KIF5A: variants seen among roughly 807,000 people sequenced by gnomAD.
KIF5A encodes kinesin heavy chain isoform 5A.
KIF5A carries 35 observed loss-of-function variants against 141.3 expected under a neutral mutation model. That is an observed-to-expected ratio of 0.25 (90% CI 0.19 to 0.33). The LOEUF (loss-of-function observed/expected upper bound fraction) is 0.33. Ranked by LOEUF, KIF5A falls within the 10% of genes least tolerant of loss-of-function variation. The pLI is 1.00. For missense variants in KIF5A, 861 were observed against 1,314.3 expected (o/e 0.66, Z 5.33); for synonymous variants, 448 against 500.2 (o/e 0.90, Z 1.39).
intron 1 of KIF5A, among the ~76,000 whole-genome samples, chr12:57,552,044 A>G (rs1342947652): frequency 6.6e-6 from 1 of 152,176 alleles, no homozygotes; most frequent in Non-Finnish European, 1.5e-5. Context: ...CAACTCCTGG[A>G]TCAACTCTGG....
Position 57,553,331 on chromosome 12 carries a change from G to A in KIF5A, c.129+2931G>A, listed in dbSNP as rs367791570. Among the ~76,000 whole-genome samples, 47 of 152,294 alleles carry A rather than the reference G, an allele frequency of 3.1e-4. No individual in the cohort carries two copies. The East Asian group carries it at 7.1e-3, about 23-fold the overall frequency. On this transcript the variant is annotated intron_variant, in intron 1 of 28. Transcript: ENST00000455537. Reference sequence around the variant, plus strand: ...CTCCCTCAGGTCTCCCAATGGTTAAGTGGGTTCTTAATGCAAGAAACTAGG... The same window carrying A: ...CTCCCTCAGGTCTCCCAATGGTTAAATGGGTTCTTAATGCAAGAAACTAGG...
intron 16 of KIF5A, 121 bp downstream of exon 16, chr12:57,575,393 G>T: frequency 8.2e-7 from 1 of 1,218,006 alleles, no homozygotes; most frequent in Non-Finnish European, 1.2e-6. Flanking sequence ...GTGAAATCAA[G>T]GACAGAAAAG....
intron 6 of KIF5A, among the ~76,000 whole-genome samples, chr12:57,566,819 A>G (rs138310208): frequency 0.061 from 9,327 of 152,068 alleles, 375 homozygotes; most frequent in Middle Eastern, 0.095. Flanking sequence ...AGGCAGGCGG[A>G]TCACGAGGTC....
chr12:57,577,415 CA>C (rs1882461292), intron 20 of KIF5A, among the ~76,000 whole-genome samples: 2 of 152,150 alleles, frequency 1.3e-5, no homozygotes, highest in South Asian at 4.1e-4. Flanking sequence ...GGCAACATGG[CA>C]AAACCCTGTC....
intron 1 of KIF5A, among the ~76,000 whole-genome samples, chr12:57,560,774 G>A (rs575815319): frequency 6.6e-6 from 1 of 152,110 alleles, no homozygotes; most frequent in Admixed American, 6.6e-5. Flanking sequence ...GGCTGAGGTG[G>A]GTGGATTGCT....
At chr12:57,578,124 C>G (rs777808148) in intron 22 of KIF5A, 44 bp downstream of exon 22, 1 of 1,591,940 alleles carries the variant, frequency 6.3e-7, no homozygotes, top group Non-Finnish European at 8.6e-7. Context: ...ACATCCTCCT[C>G]CTATCCTTAG....
intron 2 of KIF5A, 33 bp downstream of exon 2, chr12:57,563,559 A>G: frequency 6.2e-7 from 1 of 1,606,500 alleles, no homozygotes; most frequent in South Asian, 1.1e-5. Context: ...GTCTCTTCTC[A>G]GCACCCCATT....
At chr12:57,564,570 T>C in intron 5 of KIF5A, 62 bp downstream of exon 5, 1 of 1,300,690 alleles carries the variant, frequency 7.7e-7, no homozygotes, top group South Asian at 1.2e-5. Context: ...AAAGCTCACA[T>C]TGCATTTGGA....
chr12:57,552,433 T>C (rs1881606710), intron 1 of KIF5A, among the ~76,000 whole-genome samples: 1 of 152,214 alleles, frequency 6.6e-6, no homozygotes, highest in South Asian at 2.1e-4. Flanking sequence ...CTTCCTTGTC[T>C]GTTTTGCCTG....
intron 11 of KIF5A, 105 bp from the exon 12 acceptor site, chr12:57,569,882 G>C (rs182458859): frequency 7.0e-6 from 10 of 1,428,562 alleles, no homozygotes; most frequent in Non-Finnish European, 9.5e-6. Flanking sequence ...AAGGTAGAGG[G>C]TCCACCTGGC....
At chr12:57,552,447 T>A (rs1004234794) in intron 1 of KIF5A, among the ~76,000 whole-genome samples, 3 of 152,204 alleles carry the variant, frequency 2.0e-5, no homozygotes. Context: ...TTGCCTGATA[T>A]CTGTAGGGCT....
chr12:57,580,883 C>T (rs1195995665), intron 23 of KIF5A, 73 bp from the exon 24 acceptor site: 10 of 1,392,676 alleles, frequency 7.2e-6, no homozygotes, highest in African/African-American at 1.4e-5. Flanking sequence ...CCCCTGTCCC[C>T]TACGCTCCTC....
intron 1 of KIF5A, among the ~76,000 whole-genome samples, chr12:57,556,144 C>CT (rs368957966): frequency 0.46 from 66,650 of 144,004 alleles, 15,618 homozygotes; most frequent in East Asian, 0.69. Flanking sequence ...TCTTGGGTAT[C>CT]TTTTTTTTTT....
At position 57,572,814 on chromosome 12, in the gene KIF5A, A is replaced by G; in HGVS notation, c.1716+88A>G. ...CATCCAGGCCTTCACAGATACTGAG[A>G]AAGGCAGCCAGAGAGCCAGGAAACA... On this transcript the variant is annotated intron_variant, in intron 15 of 28. Transcript: ENST00000455537. This position sits in a 1 kb window ranked among gnomAD's most constrained non-coding sequence, Gnocchi z 4.2. 1.3e-6 allele frequency: 2 copies of G among 1,495,192 alleles called. No individual in the cohort carries two copies. Among genetic ancestry groups the G allele is most frequent in the Non-Finnish European group, 1.9e-6 (2 of 1,072,326 alleles). The allele number at this position is 1,495,192 out of a possible 1,614,324, so 92.6% of individuals were successfully genotyped here.
rs1050725041 is a variant in KIF5A, at chr12:57,562,279, A to C, written c.130-1160A>C. 1.3e-5 allele frequency among the ~76,000 whole-genome samples: 2 copies of C among 152,110 alleles called. 1 individual carries two copies. The highest frequency in any genetic ancestry group is 1.3e-4 in the Admixed American group (2 of 15,252). On this transcript the variant is annotated intron_variant, in intron 1 of 28. Transcript: ENST00000455537. Reference sequence around the variant, plus strand: ...CCCCCAGGCTGGAGTGCAGTGGCGCAATCTTGGCTCACTGCAACCTCCGCC... The same window carrying C: ...CCCCCAGGCTGGAGTGCAGTGGCGCCATCTTGGCTCACTGCAACCTCCGCC...
At chr12:57,557,629 C>G (rs892400960) in intron 1 of KIF5A, among the ~76,000 whole-genome samples, 1 of 151,752 alleles carries the variant, frequency 6.6e-6, no homozygotes, top group East Asian at 1.9e-4. Context: ...TGTTTTGTAA[C>G]CTTTTTTCTC....
intron 15 of KIF5A, among the ~76,000 whole-genome samples, chr12:57,574,130 AG>A (rs2140166679): frequency 6.6e-6 from 1 of 151,254 alleles, no homozygotes; most frequent in East Asian, 1.9e-4. Flanking sequence ...TTGCAGTAGG[AG>A]TTAGAGGTGG....
At chr12:57,568,725 C>CAA (rs558633353) in intron 8 of KIF5A, among the ~76,000 whole-genome samples, 5 of 132,564 alleles carry the variant, frequency 3.8e-5, no homozygotes, top group African/African-American at 1.4e-4. Context: ...AACTCCATCT[C>CAA]AAAAAAAAAA....
At chr12:57,582,451 G>A (rs1286574051) in intron 26 of KIF5A, 151 bp from the exon 27 acceptor site, 2 of 729,792 alleles carry the variant, frequency 2.7e-6, no homozygotes, top group Non-Finnish European at 4.9e-6. Context: ...ACAAAATAAT[G>A]ATGTAGCTTG....
Sources: allele counts gnomAD v4.1 joint callset (sites outside exome capture counted in the v4.1 genomes callset), GRCh38; gene constraint gnomAD v4.1.1; non-coding constraint Gnocchi (gnomAD v3.1); transcripts MANE v1.5; gene names NCBI Gene and HGNC (gene_info 2026-07-23, HGNC 2026-07-21).